SH3GL2: variants seen among roughly 807,000 people sequenced by gnomAD.
SH3GL2 encodes the protein endophilin-A1.
A neutral mutation model predicts 46.0 loss-of-function variants in SH3GL2; 24 were observed. The ratio of observed to expected loss-of-function variants is 0.52; its 90% CI spans 0.38 to 0.73. SH3GL2 has a LOEUF of 0.73. SH3GL2 is among the 30% of genes least tolerant of loss of function. The probability of loss-of-function intolerance (pLI) is 0.00; values close to 1 mark genes in which losing one functional copy is unlikely to be tolerated. For synonymous variants in SH3GL2, 196 were observed against 147.1 expected, an observed-to-expected ratio of 1.33 and a Z score of -2.40; for missense variants, 413 against 424.2, an observed-to-expected ratio of 0.97 and a Z score of 0.23.
intron 1 of SH3GL2, among the ~76,000 whole-genome samples, chr9:17,602,468 G>A (rs754551648): frequency 2.6e-5 from 4 of 152,062 alleles, no homozygotes; most frequent in Non-Finnish European, 5.9e-5. Flanking sequence ...CAATGCAGAG[G>A]CCACCAGCCA....
intron 1 of SH3GL2, among the ~76,000 whole-genome samples, chr9:17,675,973 A>G (rs1820598940): frequency 1.3e-5 from 2 of 152,134 alleles, no homozygotes; most frequent in African/African-American, 4.8e-5. Flanking sequence ...AAAAAATGCT[A>G]ATGCCTTTCT....
intron 1 of SH3GL2, among the ~76,000 whole-genome samples, chr9:17,715,898 G>T (rs1379970469): frequency 6.6e-6 from 1 of 152,044 alleles, no homozygotes; most frequent in Non-Finnish European, 1.5e-5. Context: ...TAAGAAAGTG[G>T]TGAATATCTC....
At chr9:17,661,721 G>A (rs923125736) in intron 1 of SH3GL2, among the ~76,000 whole-genome samples, 1 of 152,170 alleles carries the variant, frequency 6.6e-6, no homozygotes. Flanking sequence ...GTGATCAAAA[G>A]TTTGCAGGCT....
chr9:17,720,799 A>G (rs1009691230), intron 1 of SH3GL2, among the ~76,000 whole-genome samples: 9 of 152,164 alleles, frequency 5.9e-5, no homozygotes, highest in African/African-American at 1.9e-4. Flanking sequence ...TTGAAGATGC[A>G]TACCTATCTA....
At position 17,579,262 on chromosome 9, in the gene SH3GL2, A is replaced by G; in HGVS notation, c.20A>G (p.Lys7Arg). The G allele has an allele frequency of 6.4e-7, 1 of 1,567,576 alleles. No individual in the cohort carries two copies. The highest frequency in any genetic ancestry group is 8.6e-7 in the Non-Finnish European group (1 of 1,158,222). MSVAGL[K>R]KQFHKATQKV... The stretch of plus-strand genomic sequence containing the variant: ...TGCACCATGTCGGTGGCCGGCCTCA[A>G]GAAGCAGTTCCATAAAGCCACTCAG... The change falls in exon 1 of 9, where the codon AAG becomes AGG. Residue 7 changes from lysine to arginine, a missense_variant. Coordinates refer to ENST00000380607, the MANE Select transcript of SH3GL2 (RefSeq NM_003026.5).
intron 1 of SH3GL2, among the ~76,000 whole-genome samples, chr9:17,694,130 A>G (rs1010701609): frequency 2.6e-5 from 4 of 152,150 alleles, no homozygotes; most frequent in African/African-American, 7.2e-5. Context: ...TTTCTGTATT[A>G]GTCTGTTCTT....
rs190782675 is a variant in SH3GL2, at chr9:17,673,897, A to G, written c.46-73169A>G. Among the ~76,000 whole-genome samples, 550 of 152,102 alleles carry G rather than the reference A, an allele frequency of 3.6e-3. 4 individuals are homozygous for G. Among genetic ancestry groups the G allele is most frequent in the South Asian group, 0.018 (85 of 4,810 alleles). On this transcript the variant is annotated intron_variant, in intron 1 of 8. Coordinates refer to ENST00000380607, the MANE Select transcript of SH3GL2 (RefSeq NM_003026.5). Reference sequence around the variant, plus strand: ...ATCCCAGATTATGTCAATTGACTCTACCCTAAGGTCTCCATAGGGCATCCT... The same window carrying G: ...ATCCCAGATTATGTCAATTGACTCTGCCCTAAGGTCTCCATAGGGCATCCT...
At chr9:17,612,200 A>G (rs1588172384) in intron 1 of SH3GL2, among the ~76,000 whole-genome samples, 1 of 152,310 alleles carries the variant, frequency 6.6e-6, no homozygotes, top group East Asian at 1.9e-4. Context: ...AGGAACAGGA[A>G]CAGGAACAGA....
intron 3 of SH3GL2, among the ~76,000 whole-genome samples, chr9:17,779,990 G>A (rs1412277089): frequency 6.6e-6 from 1 of 152,136 alleles, no homozygotes; most frequent in African/African-American, 2.4e-5. Flanking sequence ...AACCTTGGCT[G>A]CACATTAGAA....
At chr9:17,671,292 A>G (rs1380927333) in intron 1 of SH3GL2, among the ~76,000 whole-genome samples, 1 of 142,030 alleles carries the variant, frequency 7.0e-6, no homozygotes, top group Non-Finnish European at 1.6e-5. Context: ...TCTGTTTTAC[A>G]CAATGAGGAA....
chr9:17,743,862 G>A (rs1159238441), intron 1 of SH3GL2, among the ~76,000 whole-genome samples: 1 of 152,208 alleles, frequency 6.6e-6, no homozygotes, highest in Admixed American at 6.5e-5. Flanking sequence ...TGGTCAAAAT[G>A]TGATTAACAC....
intron 1 of SH3GL2, among the ~76,000 whole-genome samples, chr9:17,607,182 G>A (rs958745187): frequency 6.6e-6 from 1 of 152,174 alleles, no homozygotes; most frequent in African/African-American, 2.4e-5. Context: ...ACATCCTAGA[G>A]TGTAATCACA....
At chr9:17,716,378 C>A (rs12351158) in intron 1 of SH3GL2, among the ~76,000 whole-genome samples, 11 of 152,196 alleles carry the variant, frequency 7.2e-5, no homozygotes, top group African/African-American at 2.6e-4. Context: ...TCTTTTGGGT[C>A]TTGCTTTTAA....
intron 1 of SH3GL2, among the ~76,000 whole-genome samples, chr9:17,743,525 C>A (rs1272344475): frequency 6.6e-6 from 1 of 151,716 alleles, no homozygotes; most frequent in Non-Finnish European, 1.5e-5. Flanking sequence ...AGGCACTCCT[C>A]CCTCCTTCTT....
At chr9:17,669,201 C>T (rs1164221325) in intron 1 of SH3GL2, among the ~76,000 whole-genome samples, 1 of 152,006 alleles carries the variant, frequency 6.6e-6, no homozygotes, top group East Asian at 1.9e-4. Context: ...GTGGTAACAT[C>T]TTGAAAAACG....
chr9:17,693,238 T>C (rs1003954857), intron 1 of SH3GL2, among the ~76,000 whole-genome samples: 4 of 152,180 alleles, frequency 2.6e-5, no homozygotes, highest in African/African-American at 9.6e-5. Flanking sequence ...TTTGGACACA[T>C]GGATCAGGGT....
At chr9:17,749,175 A>C (rs765978762) in intron 2 of SH3GL2, among the ~76,000 whole-genome samples, 2 of 152,140 alleles carry the variant, frequency 1.3e-5, no homozygotes, top group Non-Finnish European at 2.9e-5. Flanking sequence ...CCTATTTCTC[A>C]TCTCTGGATG....
intron 1 of SH3GL2, among the ~76,000 whole-genome samples, chr9:17,715,666 A>G (rs955302649): frequency 1.3e-5 from 2 of 151,988 alleles, no homozygotes; most frequent in Admixed American, 6.6e-5. Context: ...ATTATACCTC[A>G]TAGTTATGTG....
At chr9:17,673,842 T>G (rs1820536406) in intron 1 of SH3GL2, among the ~76,000 whole-genome samples, 1 of 152,168 alleles carries the variant, frequency 6.6e-6, no homozygotes, top group Admixed American at 6.5e-5. Flanking sequence ...GGTGCCTCCC[T>G]TGATTTCTTT....
Sources: gnomAD v4.1 joint callset for allele counts (sites outside exome capture counted in the v4.1 genomes callset) on GRCh38, gnomAD v4.1.1 for gene constraint, MANE v1.5 for transcripts, NCBI Gene and HGNC (gene_info 2026-07-23, HGNC 2026-07-21) for gene names.